Variants in IGF1R observed in about 807,000 individuals in gnomAD.
IGF1R encodes the protein insulin like growth factor 1 receptor, also known as insulin-like growth factor 1 receptor.
In IGF1R, 44 loss-of-function variants were observed where a neutral mutation model predicts 144.6. That is an observed-to-expected ratio of 0.30 (90% confidence interval 0.24 to 0.39). IGF1R has a LOEUF of 0.39. IGF1R is among the 10% of genes least tolerant of loss of function. IGF1R has a pLI of 1.00. For missense variants in IGF1R, 1,355 were observed against 1,833.7 expected, an observed-to-expected ratio of 0.74 and a Z score of 4.77; for synonymous variants, 795 against 722.8, an observed-to-expected ratio of 1.10 and a Z score of -1.60.
At chr15:98,850,804 G>A (rs2011500200) in intron 2 of IGF1R, among the ~76,000 whole-genome samples, 3 of 152,102 alleles carry the variant, frequency 2.0e-5, no homozygotes. Context: ...CTTGACTTGG[G>A]GGCAGCAGAA....
chr15:98,750,845 G>C (rs953442837), intron 2 of IGF1R, among the ~76,000 whole-genome samples: 1 of 152,128 alleles, frequency 6.6e-6, no homozygotes, highest in Non-Finnish European at 1.5e-5. Context: ...GGAGTGCAAT[G>C]GCGTGATCAC....
At chr15:98,821,634 AC>A (rs1377501561) in intron 2 of IGF1R, among the ~76,000 whole-genome samples, 1 of 152,204 alleles carries the variant, frequency 6.6e-6, no homozygotes, top group African/African-American at 2.4e-5. Context: ...AGATGATGAA[AC>A]CAAGGCAGAG....
intron 2 of IGF1R, among the ~76,000 whole-genome samples, chr15:98,879,234 G>A (rs974392089): frequency 3.3e-5 from 5 of 152,190 alleles, no homozygotes; most frequent in African/African-American, 2.4e-5. Context: ...GAAAGAATTC[G>A]GGGATGATTT....
intron 1 of IGF1R, among the ~76,000 whole-genome samples, chr15:98,696,028 T>C (rs1230349618): frequency 0.013 from 25 of 1,938 alleles, no homozygotes; most frequent in African/African-American, 0.021. Context: ...TTTTTCTTCT[T>C]TTTTTTTTTT....
At position 98,891,741 on chromosome 15, in the gene IGF1R, A is replaced by G. The variant is rs1243784853; in HGVS notation, c.953+104A>G. On this transcript the variant is annotated intron_variant, in intron 3 of 20. Coordinates refer to ENST00000650285, the MANE Select transcript of IGF1R (RefSeq NM_000875.5). This position sits in a 1 kb window ranked among gnomAD's most constrained non-coding sequence, Gnocchi z 4.7. ...GTTGTTTCATCCGGGTGCAGCCCTCAGGAAGTTCACTGAGGTGGGTCATTT... is the reference window on the plus strand; with the variant it reads ...GTTGTTTCATCCGGGTGCAGCCCTCGGGAAGTTCACTGAGGTGGGTCATTT... 8 of 1,177,334 alleles carry G rather than the reference A, an allele frequency of 6.8e-6. No individual in the cohort carries two copies. The highest frequency in any genetic ancestry group is 4.9e-6 in the Non-Finnish European group (4 of 821,072). 72.9% of individuals were successfully genotyped at this position (1,177,334 alleles called of 1,614,324 possible). A position where few individuals can be genotyped will look rare whatever the true frequency, so the allele number is the denominator to read the frequency against.
chr15:98,872,798 T>G lies in IGF1R; in HGVS notation c.641-18527T>G, dbSNP rs2012854213. Among the ~76,000 whole-genome samples the G allele has an allele frequency of 2.6e-5, 4 of 152,038 alleles. No homozygotes were observed. In the South Asian group the frequency reaches 8.3e-4, roughly 32 times the overall value. On this transcript the variant is annotated intron_variant, in intron 2 of 20. Transcript: ENST00000650285. ...TCTGCCTCCTAAGCAGAGGATGAAC[T>G]TAAGCATCTTAAAATTTTAAACATT...
At chr15:98,654,026 C>T (rs955560129) in intron 1 of IGF1R, among the ~76,000 whole-genome samples, 3 of 152,226 alleles carry the variant, frequency 2.0e-5, no homozygotes, top group African/African-American at 7.2e-5. Context: ...TGCATGAAAC[C>T]ACCTTTCTTG....
intron 2 of IGF1R, among the ~76,000 whole-genome samples, chr15:98,840,666 T>G (rs2011157546): frequency 6.9e-6 from 1 of 145,386 alleles, no homozygotes; most frequent in Non-Finnish European, 1.5e-5. Context: ...GGGGTTTTTG[T>G]TTTTTGTTTT....
At chr15:98,916,349 C>T (rs1193016154) in intron 9 of IGF1R, 1 of 562,310 alleles carries the variant, frequency 1.8e-6, no homozygotes, top group Non-Finnish European at 3.1e-6. Flanking sequence ...GCAATTTCTG[C>T]CTCCCAGGTT....
At chr15:98,948,776 C>CAGGAGATT in intron 20 of IGF1R, 68 bp downstream of exon 20, 2 of 1,559,358 alleles carry the variant, frequency 1.3e-6, no homozygotes, top group Non-Finnish European at 1.8e-6. Context: ...TCTTGGGTCA[C>CAGGAGATT]AGGAGATTAG....
chr15:98,834,635 ATC>A (rs988050652), intron 2 of IGF1R, among the ~76,000 whole-genome samples: 2 of 152,212 alleles, frequency 1.3e-5, no homozygotes, highest in Non-Finnish European at 2.9e-5. Context: ...TGAGGTGGGA[ATC>A]TCTCTGAGAA....
intron 1 of IGF1R, among the ~76,000 whole-genome samples, chr15:98,657,619 G>C (rs1227641601): frequency 6.6e-6 from 1 of 152,204 alleles, no homozygotes; most frequent in Non-Finnish European, 1.5e-5. Context: ...TCTGTTGTCT[G>C]ATTTCTGTGG....
At chr15:98,856,937 G>A (rs1318884755) in intron 2 of IGF1R, among the ~76,000 whole-genome samples, 1 of 152,106 alleles carries the variant, frequency 6.6e-6, no homozygotes, top group Non-Finnish European at 1.5e-5. Context: ...TGTTGACTTA[G>A]GGAGGTCTTT....
rs553018376 is a variant in IGF1R, at chr15:98,814,015, A to G, written c.641-77310A>G. On this transcript the variant is annotated intron_variant, in intron 2 of 20. Coordinates refer to ENST00000650285, the MANE Select transcript of IGF1R (RefSeq NM_000875.5). The stretch of plus-strand genomic sequence containing the variant: ...CCTCAGTTCATGTTTTTTACTTTCA[A>G]TGCTGAAGCACAAGCAAATGCAAAA... Among the ~76,000 whole-genome samples the G allele has an allele frequency of 6.2e-4, 95 of 152,320 alleles. 1 individual carries two copies. Among genetic ancestry groups the G allele is most frequent in the Non-Finnish European group, 1.1e-3 (76 of 68,014 alleles).
chr15:98,738,411 C>T lies in IGF1R; in HGVS notation c.640+30304C>T, dbSNP rs556375282. ...GGGACCTGGGCAGGTTGGCTCTTGC[C>T]TATAATCCAAGTGCTTTGAGAGACC... is the stretch of plus-strand genomic sequence containing the variant. On this transcript the variant is annotated intron_variant, in intron 2 of 20. Coordinates refer to ENST00000650285, the MANE Select transcript of IGF1R (RefSeq NM_000875.5). Among the ~76,000 whole-genome samples the T allele has an allele frequency of 1.0e-3, 155 of 152,262 alleles. 1 individual carries two copies. The highest frequency in any genetic ancestry group is 3.6e-3 in the African/African-American group (149 of 41,552).
At position 98,670,719 on chromosome 15, in the gene IGF1R, T is replaced by A. The variant is rs570066963; in HGVS notation, c.94+21044T>A. 5.9e-5 allele frequency among the ~76,000 whole-genome samples: 9 copies of A among 152,318 alleles called. No individual in the cohort carries two copies. The East Asian group carries it at 1.4e-3, about 23-fold the overall frequency. ...CATTGCAGTTATATTTGACTACATT[T>A]GATTATGGCAGATTTACTTAGAAGG... On this transcript the variant is annotated intron_variant, in intron 1 of 20. Transcript: ENST00000650285.
chr15:98,809,936 G>A (rs1381194916), intron 2 of IGF1R, among the ~76,000 whole-genome samples: 1 of 152,218 alleles, frequency 6.6e-6, no homozygotes, highest in Non-Finnish European at 1.5e-5. Context: ...ATATGGGATA[G>A]CCACGGGGTT....
Position 98,913,064 on chromosome 15 carries a change from A to T in IGF1R, c.1610A>T (p.Glu537Val). The T allele has an allele frequency of 6.2e-7, 1 of 1,613,720 alleles. No individual in the cohort carries two copies. Among genetic ancestry groups the T allele is most frequent in the South Asian group, 1.1e-5 (1 of 91,076 alleles). ...YKEAPFKNVT[E>V]YDGQDACGSN... ...TTCAGACCCTTTAAGAATGTCACAG[A>T]GTATGATGGGCAGGATGCCTGCGGC... is the stretch of plus-strand genomic sequence containing the variant. Residue 537 changes from glutamate (E) to valine (V), a missense_variant, in exon 8 of 21, where the codon GAG (glutamate) becomes GTG (valine). Glu to Val is a moderately radical substitution (Grantham distance 121). Around this residue, in one of 7 missense-constraint regions of IGF1R, gnomAD observed 880 missense variants for 1,202.7 expected, o/e 0.73. Transcript: ENST00000650285.
At chr15:98,691,302 G>T (rs567831611) in intron 1 of IGF1R, among the ~76,000 whole-genome samples, 1 of 151,826 alleles carries the variant, frequency 6.6e-6, no homozygotes, top group Non-Finnish European at 1.5e-5. Flanking sequence ...TGACAGTTTC[G>T]AGGGACACTG....
Sources: allele counts gnomAD v4.1 joint callset (sites outside exome capture counted in the v4.1 genomes callset), GRCh38; gene constraint gnomAD v4.1.1; regional missense constraint gnomAD v4.1.1; non-coding constraint Gnocchi (gnomAD v3.1); transcripts MANE v1.5; gene names NCBI Gene and HGNC (gene_info 2026-07-23, HGNC 2026-07-21).